Variants in FEZ2 observed in about 807,000 individuals in gnomAD.
FEZ2 encodes the protein fasciculation and elongation protein zeta-2.
FEZ2 carries 51 observed loss-of-function variants against 40.4 expected under a neutral mutation model. The observed-to-expected ratio is 1.26, with a 90% confidence interval of 1.01 to 1.59. The LOEUF (loss-of-function observed/expected upper bound fraction) is 1.59, where lower values mean the gene tolerates loss of function less well. Ranked by LOEUF, FEZ2 falls within the 40% of genes most tolerant of loss-of-function variation. The probability of loss-of-function intolerance (pLI) is 0.00; values close to 1 mark genes in which losing one functional copy is unlikely to be tolerated. For synonymous variants in FEZ2, 242 were observed against 172.0 expected, an observed-to-expected ratio of 1.41 and a Z score of -3.18; for missense variants, 640 against 438.3, an observed-to-expected ratio of 1.46 and a Z score of -4.11.
At chr2:36,596,413 C>G (rs1360982712) in intron 1 of FEZ2, among the ~76,000 whole-genome samples, 2 of 152,230 alleles carry the variant, frequency 1.3e-5, no homozygotes, top group Non-Finnish European at 2.9e-5. Context: ...TCCCTAACCT[C>G]TAAGAGTCTC....
Position 36,555,757 on chromosome 2 carries a change from T to TTTCCAAAC in FEZ2, c.980-10_980-9insGTTTGGAA. On this transcript the variant is annotated splice_polypyrimidine_tract_variant and intron_variant, in intron 6 of 7. Transcript: ENST00000405912. ...CTTCATGGCACGAAGAACTGCAAAA[T>TTTCCAAAC]AGAAGAGGGGAAAAAAGACAACAAT... 1.3e-6 allele frequency: 2 copies of TTTCCAAAC among 1,518,960 alleles called. No homozygotes were observed. The highest frequency in any genetic ancestry group is 2.8e-5 in the African/African-American group (2 of 70,964). The allele number at this position is 1,518,960 out of a possible 1,614,324, so 94.1% of individuals were successfully genotyped here.
intron 7 of FEZ2, among the ~76,000 whole-genome samples, chr2:36,553,754 C>G (rs566644781): frequency 6.6e-6 from 1 of 152,216 alleles, no homozygotes; most frequent in African/African-American, 2.4e-5. Context: ...TGCATTAAAA[C>G]TAAGTGGTGT....
chr2:36,597,858 G>C lies in FEZ2; in HGVS notation c.266+19C>G. 5 of 1,333,208 alleles carry C rather than the reference G, an allele frequency of 3.8e-6. No individual in the cohort carries two copies. The highest frequency in any genetic ancestry group is 4.8e-6 in the Non-Finnish European group (5 of 1,044,532). The allele number at this position is 1,333,208 out of a possible 1,614,324, so 82.6% of individuals were successfully genotyped here. On this transcript the variant is annotated intron_variant, in intron 1 of 7. Coordinates refer to ENST00000405912, the MANE Select transcript of FEZ2 (RefSeq NM_005102.3). Reference sequence around the variant, plus strand: ...TAGGGGAGGCTCCCGCCCACTCCCGGCCGGGGCCCCGCACTCACTCGTCCC... The same window carrying C: ...TAGGGGAGGCTCCCGCCCACTCCCGCCCGGGGCCCCGCACTCACTCGTCCC...
At chr2:36,585,306 C>A in intron 2 of FEZ2, among the ~76,000 whole-genome samples, 1 of 152,284 alleles carries the variant, frequency 6.6e-6, no homozygotes, top group South Asian at 2.1e-4. Flanking sequence ...AAATTTACCT[C>A]TCATGTGCCC....
At chr2:36,553,851 A>G (rs960928727) in intron 7 of FEZ2, among the ~76,000 whole-genome samples, 1 of 152,158 alleles carries the variant, frequency 6.6e-6, no homozygotes, top group Admixed American at 6.5e-5. Context: ...CCCCTTGAGC[A>G]ATATCCCCCT....
At chr2:36,562,221 T>A (rs1040347943) in intron 5 of FEZ2, among the ~76,000 whole-genome samples, 8 of 152,242 alleles carry the variant, frequency 5.3e-5, no homozygotes, top group African/African-American at 1.9e-4. Flanking sequence ...ATGCTCTTTA[T>A]AATGAATTTA....
chr2:36,587,946 G>C (rs1355879386), intron 2 of FEZ2, among the ~76,000 whole-genome samples: 1 of 152,110 alleles, frequency 6.6e-6, no homozygotes, highest in Non-Finnish European at 1.5e-5. Flanking sequence ...TTCATCACCA[G>C]AATAGTCATG....
intron 5 of FEZ2, chr2:36,559,302 G>C (rs1668031835): frequency 6.6e-6 from 1 of 152,142 alleles, no homozygotes; most frequent in African/African-American, 2.4e-5. Flanking sequence ...AGATTTTCCT[G>C]TTCTTACCAT....
At chr2:36,566,783 G>A (rs1040903060) in intron 5 of FEZ2, among the ~76,000 whole-genome samples, 4 of 152,172 alleles carry the variant, frequency 2.6e-5, no homozygotes, top group African/African-American at 9.7e-5. Flanking sequence ...TGACAGGAGG[G>A]CAGTCACTTT....
intron 3 of FEZ2, among the ~76,000 whole-genome samples, chr2:36,581,885 CA>C (rs1343862202): frequency 2.7e-5 from 4 of 150,874 alleles, no homozygotes; most frequent in East Asian, 1.9e-4. Context: ...TACAATAGCA[CA>C]AAAAAAGTAT....
intron 2 of FEZ2, among the ~76,000 whole-genome samples, chr2:36,586,244 C>T (rs1473102388): frequency 6.6e-6 from 1 of 152,166 alleles, no homozygotes; most frequent in African/African-American, 2.4e-5. Flanking sequence ...CACTTCACAC[C>T]CCCTTCCCAA....
intron 5 of FEZ2, among the ~76,000 whole-genome samples, chr2:36,569,001 C>T (rs1024374894): frequency 2.6e-5 from 4 of 152,172 alleles, no homozygotes; most frequent in Admixed American, 1.3e-4. Flanking sequence ...GCTCAGAAAA[C>T]GAAAATTCAA....
intron 1 of FEZ2, among the ~76,000 whole-genome samples, chr2:36,596,993 C>G (rs540563814): frequency 1.1e-4 from 16 of 152,288 alleles, no homozygotes; most frequent in African/African-American, 3.8e-4. Context: ...TGTGATAAAA[C>G]CCCGTGAACC....
chr2:36,560,449 TTTTAG>T (rs768406317), intron 5 of FEZ2, among the ~76,000 whole-genome samples: 3 of 152,320 alleles, frequency 2.0e-5, no homozygotes, highest in African/African-American at 7.2e-5. Flanking sequence ...GAGTCACATA[TTTTAG>T]TTTAGTTATT....
intron 5 of FEZ2, among the ~76,000 whole-genome samples, chr2:36,577,445 C>T (rs1261899314): frequency 2.6e-5 from 4 of 152,082 alleles, no homozygotes; most frequent in Non-Finnish European, 4.4e-5. Context: ...TTAGTAGAGA[C>T]GGGGTTTCTC....
intron 1 of FEZ2, among the ~76,000 whole-genome samples, chr2:36,595,467 C>T (rs1432464059): frequency 1.3e-5 from 2 of 152,080 alleles, no homozygotes; most frequent in South Asian, 2.1e-4. Context: ...GAATCTAATG[C>T]CGTGGCTGAT....
rs1263258295 is a variant in FEZ2, at chr2:36,578,615, T to G, written c.885A>C (p.Arg295Ser). 1.2e-6 allele frequency: 2 copies of G among 1,612,780 alleles called. No individual in the cohort carries two copies. The highest frequency in any genetic ancestry group is 4.5e-5 in the East Asian group (2 of 44,884). ...NGSSQNGKNE[R>S]SHMPGTYLTT... ...CACTTACTGTGCCGGGCATATGACT[T>G]CTCTCATTCTTCCCATTCTGAGAGC... Residue 295 changes from arginine (R) to serine (S), a missense_variant, in exon 5 of 8, where the codon AGA becomes AGC. Transcript: ENST00000405912.
At chr2:36,562,359 C>G (rs1321358936) in intron 5 of FEZ2, among the ~76,000 whole-genome samples, 1 of 152,098 alleles carries the variant, frequency 6.6e-6, no homozygotes, top group Non-Finnish European at 1.5e-5. Flanking sequence ...TAACAAAAAG[C>G]TAAGAAATGC....
intron 1 of FEZ2, among the ~76,000 whole-genome samples, chr2:36,596,726 T>C (rs1669236002): frequency 6.6e-6 from 1 of 152,094 alleles, no homozygotes; most frequent in Non-Finnish European, 1.5e-5. Flanking sequence ...CCACAGCCTC[T>C]CAAAGTGCTG....
Sources: allele counts gnomAD v4.1 joint callset (sites outside exome capture counted in the v4.1 genomes callset), GRCh38; gene constraint gnomAD v4.1.1; transcripts MANE v1.5; gene names NCBI Gene and HGNC (gene_info 2026-07-23, HGNC 2026-07-21).